The following CELF2 variants were observed in gnomAD, a reference collection of about 807,000 sequenced individuals.
CELF2 encodes the protein CUG triplet repeat RNA-binding protein 2.
Under a neutral mutation model 62.6 loss-of-function variants are expected in CELF2, and 8 were observed. That is an observed-to-expected ratio of 0.13 (90% confidence interval 0.07 to 0.23). The LOEUF is 0.23. Ranked by LOEUF, CELF2 falls within the 10% of genes least tolerant of loss-of-function variation. CELF2 has a pLI of 1.00. For synonymous variants in CELF2, 258 were observed against 250.0 expected (o/e 1.03, Z -0.30); for missense variants, 333 against 671.0 (o/e 0.50, Z 5.56).
the CELF2 span, among the ~76,000 whole-genome samples, chr10:10,791,420 C>A: frequency 1.2e-4 from 19 of 152,030 alleles, no homozygotes; most frequent in African/African-American, 4.4e-4. Flanking sequence ...TCAATGGGCC[C>A]ATGTCCCAAC....
intron 1 of CELF2, among the ~76,000 whole-genome samples, chr10:11,050,397 C>T (rs952637425): frequency 6.6e-6 from 1 of 152,260 alleles, no homozygotes; most frequent in African/African-American, 2.4e-5. Flanking sequence ...CTGGGACATG[C>T]GTGAGATGAG....
At chr10:11,126,238 A>G (rs978762969) in intron 1 of CELF2, among the ~76,000 whole-genome samples, 1 of 152,198 alleles carries the variant, frequency 6.6e-6, no homozygotes, top group African/African-American at 2.4e-5. Flanking sequence ...TAACCAAGGA[A>G]TCCTGAATCC....
At chr10:11,327,088 C>G (rs2095782691) in intron 12 of CELF2, among the ~76,000 whole-genome samples, 1 of 151,980 alleles carries the variant, frequency 6.6e-6, no homozygotes, top group East Asian at 1.9e-4. Flanking sequence ...ACCACGTTAC[C>G]CTAGCAGCAA....
the CELF2 span, among the ~76,000 whole-genome samples, chr10:10,698,329 A>C: frequency 1.3e-5 from 2 of 152,206 alleles, no homozygotes; most frequent in Non-Finnish European, 2.9e-5. Context: ...GACTTTATGC[A>C]GGCGAACTGA....
intron 1 of CELF2, among the ~76,000 whole-genome samples, chr10:10,870,944 C>T (rs1282919508): frequency 1.3e-5 from 2 of 152,144 alleles, no homozygotes; most frequent in African/African-American, 2.4e-5. Flanking sequence ...CGCAGTGGCC[C>T]GAAGTAGACA....
the CELF2 span, among the ~76,000 whole-genome samples, chr10:10,496,588 A>G: frequency 6.6e-6 from 1 of 152,202 alleles, no homozygotes; most frequent in Non-Finnish European, 1.5e-5. Context: ...ACAAATAAGT[A>G]ATGCACAGTT....
the CELF2 span, among the ~76,000 whole-genome samples, chr10:10,757,597 C>T: frequency 6.6e-6 from 1 of 152,060 alleles, no homozygotes; most frequent in African/African-American, 2.4e-5. Context: ...TATTAAGAAA[C>T]ATATGAAAAG....
At chr10:10,715,584 CAGAT>C in the CELF2 span, among the ~76,000 whole-genome samples, 1 of 152,144 alleles carries the variant, frequency 6.6e-6, no homozygotes, top group Admixed American at 6.5e-5. Context: ...TCAAATAACA[CAGAT>C]AGAATCACTG....
rs1438009987 is a variant in CELF2 at position 11,214,174 on chromosome 10, C to T, written c.272-3251C>T. ...TAGCACACACCTGTACTCCCAGGTA[C>T]TCAGGGAAGGGGCAGGAGAACCACT... On this transcript the variant is annotated intron_variant, in intron 2 of 12. Transcript: ENST00000633077. This position sits in a 1 kb window ranked among gnomAD's most constrained non-coding sequence, Gnocchi z 4.2. 4.6e-5 allele frequency among the ~76,000 whole-genome samples: 7 copies of T among 152,090 alleles called. No individual in the cohort carries two copies. Among genetic ancestry groups the T allele is most frequent in the Non-Finnish European group, 8.8e-5 (6 of 68,020 alleles).
the CELF2 span, among the ~76,000 whole-genome samples, chr10:10,464,297 A>G: frequency 6.6e-6 from 1 of 152,166 alleles, no homozygotes; most frequent in Non-Finnish European, 1.5e-5. Flanking sequence ...TATTAGCAAC[A>G]TTTCAGTTAT....
chr10:11,168,491 T>C (rs138123592), intron 2 of CELF2, among the ~76,000 whole-genome samples: 1 of 152,220 alleles, frequency 6.6e-6, no homozygotes, highest in Non-Finnish European at 1.5e-5. Flanking sequence ...CATTATTATT[T>C]TGCCTGTTTA....
intron 1 of CELF2, among the ~76,000 whole-genome samples, chr10:11,021,406 T>A (rs1339958282): frequency 6.6e-6 from 1 of 152,220 alleles, no homozygotes; most frequent in Non-Finnish European, 1.5e-5. Context: ...AAAATATCTA[T>A]CAGTGTATAA....
the CELF2 span, among the ~76,000 whole-genome samples, chr10:10,516,954 A>C: frequency 2.6e-4 from 40 of 152,174 alleles, no homozygotes; most frequent in African/African-American, 8.4e-4. Flanking sequence ...CTTCCGCAGC[A>C]CAGCATGTCC....
At chr10:10,901,060 A>C (rs532275938) in intron 1 of CELF2, among the ~76,000 whole-genome samples, 5 of 152,336 alleles carry the variant, frequency 3.3e-5, no homozygotes, top group Non-Finnish European at 7.4e-5. Context: ...GACACACTGA[A>C]TTTATGGGTC....
At chr10:10,665,598 G>C in the CELF2 span, among the ~76,000 whole-genome samples, 12 of 152,118 alleles carry the variant, frequency 7.9e-5, no homozygotes, top group African/African-American at 2.9e-4. Flanking sequence ...TATCCATTTT[G>C]TAGTTGAAAA....
chr10:10,832,266 T>TA lies in CELF2; in HGVS notation c.53+33461dup, dbSNP rs201850858. On this transcript the variant is annotated intron_variant, in intron 1 of 13. Transcript: ENST00000636488. Reference sequence around the variant, plus strand: ...CTGGGCAACAGAGCGAGACTCCATCTAAAAAAAAAAAATAAAAATAAATAA... The same window carrying TA: ...CTGGGCAACAGAGCGAGACTCCATCTAAAAAAAAAAAAATAAAAATAAATAA... Among the ~76,000 whole-genome samples, 64 of 72,460 alleles carry TA rather than the reference T, an allele frequency of 8.8e-4. 1 individual carries two copies. The highest frequency in any genetic ancestry group is 3.1e-3 in the South Asian group (7 of 2,234). The allele number at this position is 72,460 out of a possible 152,430, so 47.5% of individuals were successfully genotyped here.
At chr10:10,804,988 A>T (rs2055064507) in intron 1 of CELF2, among the ~76,000 whole-genome samples, 1 of 152,210 alleles carries the variant, frequency 6.6e-6, no homozygotes, top group Non-Finnish European at 1.5e-5. Context: ...CTCTGCTTGT[A>T]TTCCTTGTGA....
rs1280787501 is a variant in CELF2, at chr10:11,319,788, T to G, written c.1097-1401T>G. 2.1e-6 allele frequency: 1 copy of G among 471,050 alleles called. No individual in the cohort carries two copies. The highest frequency in any genetic ancestry group is 2.3e-5 in the Admixed American group (1 of 42,580). The allele number at this position is 471,050 out of a possible 1,614,324, so 29.2% of individuals were successfully genotyped here. On this transcript the variant is annotated intron_variant, in intron 10 of 12. Coordinates refer to ENST00000633077, the MANE Select transcript of CELF2 (RefSeq NM_001326342.2). This position sits in a 1 kb window ranked among gnomAD's most constrained non-coding sequence, Gnocchi z 4.4. ...CTGTTAAGCTATAGCCTAATTCATATCTTACATGTGTCCTTTTAATTGAAG... is the reference window on the plus strand; with the variant it reads ...CTGTTAAGCTATAGCCTAATTCATAGCTTACATGTGTCCTTTTAATTGAAG...
chr10:10,987,450 T>C (rs1305136701), intron 2 of CELF2, among the ~76,000 whole-genome samples: 1 of 152,172 alleles, frequency 6.6e-6, no homozygotes, highest in Non-Finnish European at 1.5e-5. Flanking sequence ...GTATTAAATG[T>C]TTCCTAAACT....
Sources: gnomAD v4.1 joint callset for allele counts (sites outside exome capture counted in the v4.1 genomes callset) on GRCh38, gnomAD v4.1.1 for gene constraint, Gnocchi (gnomAD v3.1) non-coding constraint, MANE v1.5 for transcripts, NCBI Gene and HGNC (gene_info 2026-07-23, HGNC 2026-07-21) for gene names.